Variants in PHF14 observed in about 807,000 individuals in gnomAD.
PHF14 encodes the protein PHD finger protein 14.
Under a neutral mutation model 117.9 loss-of-function variants are expected in PHF14, and 55 were observed. That is an observed-to-expected ratio of 0.47 (90% CI 0.38 to 0.58). The LOEUF is 0.58. Ranked by LOEUF, PHF14 falls within the 20% of genes least tolerant of loss-of-function variation. The pLI is 0.00. For synonymous variants in PHF14, 409 were observed against 368.6 expected, an observed-to-expected ratio of 1.11 and a Z score of -1.26; for missense variants, 978 against 1,122.2, an observed-to-expected ratio of 0.87 and a Z score of 1.84.
chr7:11,137,502 A>G lies in PHF14; in HGVS notation c.2772+26035A>G, dbSNP rs367949894. ...GGAACTGCAGTTTTAATAGTTTTGA[A>G]TGGTTTTTTTAAAACTTGATTTAAC... On this transcript the variant is annotated intron_variant, in intron 17 of 17. Coordinates refer to ENST00000634607, the MANE Select transcript of PHF14 (RefSeq NM_001007157.2). Among the ~76,000 whole-genome samples, 7 of 151,938 alleles carry G rather than the reference A, an allele frequency of 4.6e-5. No individual in the cohort carries two copies. In the East Asian group the frequency reaches 1.2e-3, roughly 25 times the overall value.
chr7:11,132,251 C>T (rs1211421395), intron 17 of PHF14, among the ~76,000 whole-genome samples: 1 of 151,324 alleles, frequency 6.6e-6, no homozygotes, highest in Non-Finnish European at 1.5e-5. Context: ...CTCTACTTGC[C>T]CATTTTCTTC....
At chr7:11,018,030 T>A (rs964527796) in intron 5 of PHF14, among the ~76,000 whole-genome samples, 1 of 152,100 alleles carries the variant, frequency 6.6e-6, no homozygotes, top group Non-Finnish European at 1.5e-5. Context: ...TCTTTTCCCA[T>A]ATATATGTTC....
intron 17 of PHF14, among the ~76,000 whole-genome samples, chr7:11,125,237 T>C (rs966945414): frequency 2.6e-5 from 4 of 152,106 alleles, no homozygotes; most frequent in African/African-American, 9.7e-5. Context: ...TTTTAATGTT[T>C]GTCATGAGTT....
At chr7:11,065,053 T>G (rs1785378502) in intron 16 of PHF14, among the ~76,000 whole-genome samples, 1 of 152,076 alleles carries the variant, frequency 6.6e-6, no homozygotes, top group Non-Finnish European at 1.5e-5. Flanking sequence ...ACATGTCCTG[T>G]TGTATATAAT....
chr7:10,990,572 A>G, intron 3 of PHF14, 131 bp from the exon 4 acceptor site: 1 of 592,606 alleles, frequency 1.7e-6, no homozygotes, highest in South Asian at 2.4e-5. Context: ...GAAGTTAATA[A>G]AAGAATGGAA....
chr7:11,072,193 A>G (rs533745830), intron 16 of PHF14, among the ~76,000 whole-genome samples: 2 of 152,186 alleles, frequency 1.3e-5, no homozygotes, highest in South Asian at 2.1e-4. Flanking sequence ...GGCAGAAAGC[A>G]AAGGGGGTAA....
At chr7:11,032,051 C>G (rs560801370) in intron 7 of PHF14, among the ~76,000 whole-genome samples, 2 of 152,030 alleles carry the variant, frequency 1.3e-5, no homozygotes, top group South Asian at 2.1e-4. Flanking sequence ...AGGCTGGCCT[C>G]AAGAGGATTT....
rs77243649 is a variant in PHF14, at chr7:11,031,786, G to A, written c.1455+2968G>A. On this transcript the variant is annotated intron_variant, in intron 7 of 17. Transcript: ENST00000634607. ...TTAAATAAATAAGTAAAAAAATACC[G>A]AGCTATTGTGCAGGCTCAGTTATGC... 3.3e-3 allele frequency among the ~76,000 whole-genome samples: 495 copies of A among 152,026 alleles called. 3 individuals are homozygous for A. The highest frequency in any genetic ancestry group is 5.4e-3 in the Admixed American group (83 of 15,254).
At chr7:11,128,337 A>G (rs1260603393) in intron 17 of PHF14, among the ~76,000 whole-genome samples, 1 of 151,940 alleles carries the variant, frequency 6.6e-6, no homozygotes, top group East Asian at 1.9e-4. Context: ...AAGGGGGGTG[A>G]TATTTTTATC....
chr7:11,069,423 G>A (rs1171608203), intron 16 of PHF14, among the ~76,000 whole-genome samples: 1 of 152,122 alleles, frequency 6.6e-6, no homozygotes, highest in Non-Finnish European at 1.5e-5. Context: ...TAAGGCACAG[G>A]TATTTGAACA....
chr7:11,148,386 G>A (rs1047468421), intron 17 of PHF14, among the ~76,000 whole-genome samples: 18 of 152,004 alleles, frequency 1.2e-4, no homozygotes, highest in Admixed American at 2.0e-4. Context: ...CTTTAGGACC[G>A]TTGCCCTTGT....
intron 16 of PHF14, among the ~76,000 whole-genome samples, chr7:11,073,838 T>G (rs2128334029): frequency 6.6e-6 from 1 of 152,316 alleles, no homozygotes; most frequent in East Asian, 1.9e-4. Flanking sequence ...ACCTGGAGGC[T>G]TAACAGCATG....
intron 17 of PHF14, among the ~76,000 whole-genome samples, chr7:11,158,617 T>C (rs946271475): frequency 2.0e-5 from 3 of 152,146 alleles, no homozygotes; most frequent in African/African-American, 7.2e-5. Flanking sequence ...CTAAGCAGTT[T>C]TAAAATCTGG....
At chr7:11,104,666 C>T (rs1023471588) in intron 16 of PHF14, 4 of 963,088 alleles carry the variant, frequency 4.2e-6, no homozygotes, top group African/African-American at 1.8e-5. Context: ...GGTTCTCAAA[C>T]GTTGTGCATT....
intron 16 of PHF14, chr7:11,103,754 A>T: frequency 1.0e-6 from 1 of 985,196 alleles, no homozygotes; most frequent in Non-Finnish European, 1.2e-6. Context: ...AAGCTGCTGT[A>T]ATCTAGTGAT....
At chr7:11,006,687 C>T (rs1179753002) in intron 4 of PHF14, 5 of 626,218 alleles carry the variant, frequency 8.0e-6, no homozygotes, top group Admixed American at 5.5e-5. Context: ...GGAGCTCTTC[C>T]GAGGATATCT....
chr7:11,133,956 T>C (rs1334753464), intron 17 of PHF14, among the ~76,000 whole-genome samples: 1 of 152,010 alleles, frequency 6.6e-6, no homozygotes, highest in Non-Finnish European at 1.5e-5. Flanking sequence ...AAGTGAGGAA[T>C]TTAAGGATAT....
At chr7:11,070,009 C>G (rs1327345698) in intron 16 of PHF14, among the ~76,000 whole-genome samples, 2 of 152,022 alleles carry the variant, frequency 1.3e-5, no homozygotes, top group Admixed American at 1.3e-4. Flanking sequence ...TCCGGTGATA[C>G]CATCTGAACC....
chr7:11,077,773 A>G (rs534956935), intron 16 of PHF14, among the ~76,000 whole-genome samples: 10 of 152,200 alleles, frequency 6.6e-5, no homozygotes, highest in Non-Finnish European at 1.2e-4. Flanking sequence ...GGTTCAGTTA[A>G]ATGAGTGGAG....
Sources: allele counts gnomAD v4.1 joint callset (sites outside exome capture counted in the v4.1 genomes callset), GRCh38; gene constraint gnomAD v4.1.1; transcripts MANE v1.5; gene names NCBI Gene and HGNC (gene_info 2026-07-23, HGNC 2026-07-21).